TJP2: variants seen among roughly 807,000 people sequenced by gnomAD.
The protein encoded by TJP2 is Friedreich ataxia region gene X104 (tight junction protein ZO-2).
A neutral mutation model predicts 133.1 loss-of-function variants in TJP2; 91 were observed. The ratio of observed to expected loss-of-function variants is 0.68; its 90% confidence interval spans 0.58 to 0.81. TJP2 has a LOEUF of 0.81. TJP2 is among the 40% of genes least tolerant of loss of function. The pLI, the probability that TJP2 is intolerant of heterozygous loss-of-function variation, is 0.00. For synonymous variants in TJP2, 592 were observed against 583.4 expected, an observed-to-expected ratio of 1.01 and a Z score of -0.21; for missense variants, 1,541 against 1,565.6, an observed-to-expected ratio of 0.98 and a Z score of 0.26.
In TJP2 at chr9:69,236,122, C is replaced by G. The variant is rs753072926; in HGVS notation, c.1875C>G (p.Phe625Leu). 6.2e-7 allele frequency: 1 copy of G among 1,614,192 alleles called. No homozygotes were observed. Among genetic ancestry groups the G allele is most frequent in the Non-Finnish European group, 8.5e-7 (1 of 1,180,038 alleles). ...CEKETPQSLA[F>L]TRGEVFRVVD... ...AGGAAACTCCACAGAGCCTGGCCTT[C>G]ACCAGAGGGGAGGTCTTCCGAGTGG... Residue 625 changes from phenylalanine (F) to leucine (L), a missense_variant, in exon 13 of 23, where the codon TTC (phenylalanine) becomes TTG (leucine). By Grantham distance (22) the Phe-to-Leu change is conservative. Coordinates refer to ENST00000377245, the MANE Select transcript of TJP2 (RefSeq NM_004817.4).
At chr9:69,141,303 C>A (rs1823007907) in intron 1 of TJP2, among the ~76,000 whole-genome samples, 2 of 152,190 alleles carry the variant, frequency 1.3e-5, no homozygotes, top group Admixed American at 1.3e-4. Context: ...GGACGTATCA[C>A]AACCATAAGG....
At chr9:69,185,512 A>G (rs1825798995) in intron 1 of TJP2, among the ~76,000 whole-genome samples, 1 of 152,170 alleles carries the variant, frequency 6.6e-6, no homozygotes, top group Non-Finnish European at 1.5e-5. Context: ...GTACTTTTCT[A>G]AAGGTATAAG....
At chr9:69,203,492 C>T (rs1444940938) in intron 1 of TJP2, among the ~76,000 whole-genome samples, 1 of 150,900 alleles carries the variant, frequency 6.6e-6, no homozygotes, top group African/African-American at 2.4e-5. Context: ...TTAGTAGAGA[C>T]GAGGTTTCAA....
In TJP2 at chr9:69,204,910, A is replaced by G. The variant is rs976736252; in HGVS notation, c.61-7638A>G. Reference sequence around the variant, plus strand: ...GGATGCTCTAGTTCCCTGGCAAGGGAGAGAGAGGGAGAGAAAGAAAGCTGT... The same window carrying G: ...GGATGCTCTAGTTCCCTGGCAAGGGGGAGAGAGGGAGAGAAAGAAAGCTGT... On this transcript the variant is annotated intron_variant, in intron 1 of 22. Transcript: ENST00000377245. 4 of 1,235,788 alleles carry G rather than the reference A, an allele frequency of 3.2e-6. No individual in the cohort carries two copies. In the African/African-American group the frequency reaches 4.6e-5, roughly 14 times the overall value. 76.6% of individuals were successfully genotyped at this position (1,235,788 alleles called of 1,614,324 possible).
At chr9:69,248,247 C>T in intron 19 of TJP2, 23 bp downstream of exon 19, 3 of 1,565,880 alleles carry the variant, frequency 1.9e-6, no homozygotes, top group Middle Eastern at 3.3e-4. Context: ...AGGCCACGGG[C>T]AGGAACAGGA....
intron 1 of TJP2, among the ~76,000 whole-genome samples, chr9:69,130,468 C>T (rs112711086): frequency 2.6e-5 from 4 of 152,290 alleles, no homozygotes; most frequent in African/African-American, 7.2e-5. Context: ...GGCCCCCCTC[C>T]TGGAGTTTCT....
Position 69,221,036 on chromosome 9 carries a change from TG to T in TJP2, c.498del (p.Arg167AlafsTer144). 1 of 1,607,994 alleles carries T rather than the reference TG, an allele frequency of 6.2e-7. No homozygotes were observed. Among genetic ancestry groups the T allele is most frequent in the Non-Finnish European group, 8.5e-7 (1 of 1,177,960 alleles). ...YSERSRLNSHGGRSRSWEDSP... is the reference protein window; with the variant it reads ...YSERSRLNSHXGRSRSWEDSP... ...GCGAGAGGAGCCGGCTGAACAGCCA[TG>T]GGGGGCGCAGCCGCAGCTGGGAGGA... On this transcript the variant is annotated frameshift_variant, in exon 5 of 23. Transcript: ENST00000377245. LOFTEE classifies it high-confidence loss of function.
chr9:69,174,216 G>T, upstream of TJP2: 1 of 1,415,890 alleles, frequency 7.1e-7, no homozygotes, highest in Non-Finnish European at 9.3e-7. Flanking sequence ...CGCCGCCGCG[G>T]GAGGAGGGAC....
intron 1 of TJP2, among the ~76,000 whole-genome samples, chr9:69,210,219 G>A (rs1827763993): frequency 1.3e-5 from 2 of 150,124 alleles, no homozygotes; most frequent in South Asian, 4.2e-4. Context: ...AACCCAGGAG[G>A]CAGAGGTTGC....
At position 69,228,088 on chromosome 9, in the gene TJP2, A is replaced by C. The variant is rs1829486399; in HGVS notation, c.1427A>C (p.Glu476Ala). 2 of 1,612,642 alleles carry C rather than the reference A, an allele frequency of 1.2e-6. No homozygotes were observed. Among genetic ancestry groups the C allele is most frequent in the East Asian group, 4.5e-5 (2 of 44,888 alleles). Reference sequence around the variant, plus strand: ...ACAGTTGTCCCAGAGACCAACAAGGAACCCAGATACCAAGAGGACCCCCCA... The same window carrying C: ...ACAGTTGTCCCAGAGACCAACAAGGCACCCAGATACCAAGAGGACCCCCCA... ...AGTVVPETNK[E>A]PRYQEDPPAP... The change falls in exon 9 of 23, where the codon GAA becomes GCA. Residue 476 changes from glutamate (E) to alanine (A), a missense_variant. Physicochemically the swap from Glu to Ala is moderately radical, Grantham distance 107 (BLOSUM62 -1). Coordinates refer to ENST00000377245, the MANE Select transcript of TJP2 (RefSeq NM_004817.4).
Position 69,246,765 on chromosome 9 carries a change from A to C in TJP2, c.2642A>C (p.Glu881Ala). ...GACACTATTCAGCATCAGCAAGGAGAAGCGGTTTGGGTCTCTGAAGGAAAG... is the reference window on the plus strand; with the variant it reads ...GACACTATTCAGCATCAGCAAGGAGCAGCGGTTTGGGTCTCTGAAGGAAAG... ...LKDTIQHQQGEAVWVSEGKME... is the reference protein window; with the variant it reads ...LKDTIQHQQGAAVWVSEGKME... The change falls in exon 18 of 23, where the codon GAA (glutamate) becomes GCA (alanine). Residue 881 changes from glutamate to alanine, a missense_variant. Coordinates refer to ENST00000377245, the MANE Select transcript of TJP2 (RefSeq NM_004817.4). 1.9e-6 allele frequency: 3 copies of C among 1,614,078 alleles called. No individual in the cohort carries two copies. Among genetic ancestry groups the C allele is most frequent in the Non-Finnish European group, 2.5e-6 (3 of 1,180,006 alleles).
chr9:69,200,984 C>G (rs1826946768), intron 1 of TJP2, among the ~76,000 whole-genome samples: 1 of 152,124 alleles, frequency 6.6e-6, no homozygotes, highest in African/African-American at 2.4e-5. Flanking sequence ...GCACATATCC[C>G]CTGGCAGCAT....
chr9:69,227,702 T>A (rs551019138), intron 7 of TJP2, 63 bp from the exon 8 acceptor site: 37 of 1,196,700 alleles, frequency 3.1e-5, no homozygotes, highest in African/African-American at 1.1e-4. Context: ...TAGTGCAATT[T>A]CTCTGGGTAG....
intron 1 of TJP2, among the ~76,000 whole-genome samples, chr9:69,143,812 A>T (rs577458331): frequency 6.6e-6 from 1 of 152,264 alleles, no homozygotes; most frequent in South Asian, 2.1e-4. Flanking sequence ...TTGAAGGGTT[A>T]TTTAAAGTCA....
intron 17 of TJP2, among the ~76,000 whole-genome samples, chr9:69,241,485 T>C (rs1026838489): frequency 6.6e-6 from 1 of 152,216 alleles, no homozygotes; most frequent in African/African-American, 2.4e-5. Flanking sequence ...CATTAGATGC[T>C]TGTTTTAGTG....
intron 1 of TJP2, among the ~76,000 whole-genome samples, chr9:69,129,241 G>A (rs545312950): frequency 9.2e-5 from 14 of 152,290 alleles, no homozygotes; most frequent in Admixed American, 7.2e-4. Context: ...ACATCTGTCA[G>A]GGCCAGATGA....
chr9:69,217,519 G>A (rs988313292), intron 3 of TJP2, among the ~76,000 whole-genome samples: 5 of 152,058 alleles, frequency 3.3e-5, no homozygotes, highest in African/African-American at 4.8e-5. Context: ...ATCAGCCTGG[G>A]CAACCTAGTG....
chr9:69,170,123 C>T (rs1298317466), upstream of TJP2, among the ~76,000 whole-genome samples: 1 of 152,150 alleles, frequency 6.6e-6, no homozygotes, highest in African/African-American at 2.4e-5. Flanking sequence ...GCTGGGATTA[C>T]AAGCATGAGC....
intron 12 of TJP2, 29 bp downstream of exon 12, chr9:69,234,576 T>TTTTTG: frequency 4.4e-6 from 1 of 229,726 alleles, no homozygotes; most frequent in Non-Finnish European, 8.2e-6. Context: ...TTAGTTTAGT[T>TTTTTG]GGGGTGGGGG....
Sources: gnomAD v4.1 joint callset for allele counts (sites outside exome capture counted in the v4.1 genomes callset) on GRCh38, gnomAD v4.1.1 for gene constraint, MANE v1.5 for transcripts, NCBI Gene and HGNC (gene_info 2026-07-23, HGNC 2026-07-21) for gene names.